Variants in CDNF observed in about 807,000 individuals in gnomAD.
The protein encoded by CDNF is ARMET-like protein 1.
Under a neutral mutation model 14.8 loss-of-function variants are expected in CDNF, and 9 were observed. The observed-to-expected ratio is 0.61, with a 90% CI of 0.37 to 1.06. CDNF has a LOEUF of 1.06. Ranked by LOEUF, CDNF falls within the 50% of genes least tolerant of loss-of-function variation. The pLI is 0.01. For synonymous variants in CDNF, 86 were observed against 87.2 expected (o/e 0.99, Z 0.07); for missense variants, 228 against 228.4 (o/e 1.00, Z 0.01).
rs1215206770 is a variant in CDNF, at chr10:14,820,117, T to C, written c.427A>G (p.Arg143Gly). The change falls in exon 4 of 4, where the codon AGA becomes GGA. Residue 143 changes from arginine (R) to glycine (G), a missense_variant. By Grantham distance (125) the Arg-to-Gly change is moderately radical. Transcript: ENST00000465530. ...DLASVDLRKM[R>G]VAELKQILHS... ...AGGATCTGCTTCAGCTCTGCCACTC[T>C]CATCTTCCGCAGGTCAACTGATGCC... 6 of 1,613,986 alleles carry C rather than the reference T, an allele frequency of 3.7e-6. No individual in the cohort carries two copies. The highest frequency in any genetic ancestry group is 1.6e-4 in the Middle Eastern group (1 of 6,084).
At chr10:14,830,332 T>C (rs1426042007) in intron 1 of CDNF, among the ~76,000 whole-genome samples, 3 of 152,228 alleles carry the variant, frequency 2.0e-5, no homozygotes, top group African/African-American at 4.8e-5. Flanking sequence ...TCTATGTTTC[T>C]TTAAACATAA....
rs947975417 is a variant in CDNF, at chr10:14,828,845, AAAAAAAAACAC to A, written c.116-584_116-574del. Among the ~76,000 whole-genome samples, 6 of 132,096 alleles carry A rather than the reference AAAAAAAAACAC, an allele frequency of 4.5e-5. No homozygotes were observed. In the East Asian group the frequency reaches 1.3e-3, roughly 29 times the overall value. The allele number at this position is 132,096 out of a possible 152,430, so 86.7% of individuals were successfully genotyped here. On this transcript the variant is annotated intron_variant, in intron 1 of 3. Coordinates refer to ENST00000465530, the MANE Select transcript of CDNF (RefSeq NM_001029954.3). Reference sequence around the variant, plus strand: ...ACATAGTGAGACCTTGTCTCTACTAAAAAAAAAACACAAAAAAACAAAAACAAAAAAACACC... The same window carrying A: ...ACATAGTGAGACCTTGTCTCTACTAAAAAAAAACAAAAACAAAAAAACACC...
Position 14,837,879 on chromosome 10 carries a change from A to G in CDNF, c.68T>C (p.Leu23Pro), listed in dbSNP as rs1196745208. 1 of 1,606,620 alleles carries G rather than the reference A, an allele frequency of 6.2e-7. No individual in the cohort carries two copies. Among genetic ancestry groups the G allele is most frequent in the Non-Finnish European group, 8.5e-7 (1 of 1,178,334 alleles). Residue 23 changes from leucine (L) to proline (P), a missense_variant, in exon 1 of 4, where the codon CTG becomes CCG. By Grantham distance (98) the Leu-to-Pro change is moderately conservative. Transcript: ENST00000465530. Reference sequence around the variant, plus strand: ...CCCCCCGGCCTCCTGGCCCTGCGTCAGCACCGGGTGAGAGACCAAAAGCCC... The same window carrying G: ...CCCCCCGGCCTCCTGGCCCTGCGTCGGCACCGGGTGAGAGACCAAAAGCCC... The part of the protein sequence containing the change: ...CAGLLVSHPV[L>P]TQGQEAGGRP...
intron 3 of CDNF, among the ~76,000 whole-genome samples, chr10:14,821,215 C>A (rs1833735556): frequency 6.6e-6 from 1 of 152,066 alleles, no homozygotes; most frequent in Non-Finnish European, 1.5e-5. Context: ...ACCACCATCT[C>A]CCTGGTTCAA....
intron 1 of CDNF, among the ~76,000 whole-genome samples, chr10:14,833,541 T>C (rs1412818559): frequency 1.3e-5 from 2 of 152,210 alleles, no homozygotes; most frequent in Non-Finnish European, 1.5e-5. Flanking sequence ...TATATAGATA[T>C]AGATTATATG....
At chr10:14,831,748 G>A (rs1365612539) in intron 1 of CDNF, among the ~76,000 whole-genome samples, 1 of 151,900 alleles carries the variant, frequency 6.6e-6, no homozygotes, top group Admixed American at 6.6e-5. Context: ...CTAAGTTTTT[G>A]TATTTTTAGT....
chr10:14,831,462 C>CAT (rs66493377), intron 1 of CDNF, among the ~76,000 whole-genome samples: 17,004 of 145,052 alleles, frequency 0.12, 1,113 homozygotes, highest in Non-Finnish European at 0.16. Flanking sequence ...AGCTTAAAGT[C>CAT]ATATATATAT....
chr10:14,831,103 T>C (rs1239579439), intron 1 of CDNF, among the ~76,000 whole-genome samples: 2 of 152,174 alleles, frequency 1.3e-5, no homozygotes, highest in African/African-American at 4.8e-5. Flanking sequence ...AAGATGGAAA[T>C]AGGTTGTAGT....
intron 2 of CDNF, among the ~76,000 whole-genome samples, chr10:14,826,382 AAGAAGAAGC>A (rs1439415662): frequency 1.5e-4 from 23 of 151,842 alleles, no homozygotes; most frequent in Non-Finnish European, 2.9e-4. Context: ...GCAGCAGCAG[AAGAAGAAGC>A]AGAAGAAGCA....
chr10:14,831,783 C>T (rs1833846042), intron 1 of CDNF, among the ~76,000 whole-genome samples: 1 of 152,086 alleles, frequency 6.6e-6, no homozygotes, highest in Non-Finnish European at 1.5e-5. Context: ...ACCATGTTGG[C>T]CAGGACGGTC....
intron 2 of CDNF, among the ~76,000 whole-genome samples, chr10:14,827,647 C>T (rs532875898): frequency 1.3e-5 from 2 of 152,236 alleles, no homozygotes; most frequent in Admixed American, 6.5e-5. Context: ...AATCCCAGCA[C>T]TTTGGGAGGC....
Position 14,826,250 on chromosome 10 carries a change from TAAGAAGCAGTAG to T in CDNF, c.244-642_244-631del, listed in dbSNP as rs921606231. Among the ~76,000 whole-genome samples the T allele has an allele frequency of 3.6e-4, 39 of 108,508 alleles. No individual in the cohort carries two copies. The South Asian group carries it at 8.1e-3, about 23-fold the overall frequency. 71.2% of individuals were successfully genotyped at this position (108,508 alleles called of 152,430 possible). A position where few individuals can be genotyped will look rare whatever the true frequency, so the allele number is the denominator to read the frequency against. On this transcript the variant is annotated intron_variant, in intron 2 of 3. Transcript: ENST00000465530. ...AGCAGAAGCAGCAGCAGAAGAAGCA[TAAGAAGCAGTAG>T]AAGAAGCAGCAGAAGAAGCAGTAGA...
intron 3 of CDNF, among the ~76,000 whole-genome samples, chr10:14,821,559 G>A (rs143396794): frequency 2.4e-3 from 363 of 152,316 alleles, no homozygotes; most frequent in African/African-American, 7.5e-3. Flanking sequence ...AAACACTTAA[G>A]CATCAGGATT....
In CDNF at chr10:14,832,249, C is replaced by G. The variant is rs1025343918; in HGVS notation, c.116-3977G>C. 3.9e-5 allele frequency among the ~76,000 whole-genome samples: 6 copies of G among 152,208 alleles called. No individual in the cohort carries two copies. The East Asian group carries it at 9.6e-4, about 24-fold the overall frequency. Reference sequence around the variant, plus strand: ...GGAAGAACTCCGCAGGCAGAAGGAACAGCAAGTACCAAGGCTCAAATGCAG... The same window carrying G: ...GGAAGAACTCCGCAGGCAGAAGGAAGAGCAAGTACCAAGGCTCAAATGCAG... On this transcript the variant is annotated intron_variant, in intron 1 of 3. Coordinates refer to ENST00000465530, the MANE Select transcript of CDNF (RefSeq NM_001029954.3).
At chr10:14,826,038 A>AAGAAGAAGAAGG (rs1833780237) in intron 2 of CDNF, among the ~76,000 whole-genome samples, 1 of 79,168 alleles carries the variant, frequency 1.3e-5, no homozygotes, top group Non-Finnish European at 2.7e-5. Flanking sequence ...GGAGAAGAAG[A>AAGAAGAAGAAGG]AGAAGAAGAA....
chr10:14,821,273 C>T (rs1833735868), intron 3 of CDNF, among the ~76,000 whole-genome samples: 1 of 152,096 alleles, frequency 6.6e-6, no homozygotes, highest in Non-Finnish European at 1.5e-5. Flanking sequence ...TACAGGCACC[C>T]ACCATCATGC....
At chr10:14,833,483 A>G (rs1212960916) in intron 1 of CDNF, among the ~76,000 whole-genome samples, 1 of 152,234 alleles carries the variant, frequency 6.6e-6, no homozygotes, top group Non-Finnish European at 1.5e-5. Context: ...CCAATTCCTT[A>G]TAATAAATCT....
intron 3 of CDNF, among the ~76,000 whole-genome samples, chr10:14,820,400 A>G (rs914055287): frequency 1.3e-5 from 2 of 152,112 alleles, no homozygotes; most frequent in Non-Finnish European, 2.9e-5. Flanking sequence ...AAAATATTCT[A>G]AACAAATTAA....
chr10:14,832,109 TG>T (rs1385145276), intron 1 of CDNF, among the ~76,000 whole-genome samples: 3 of 151,988 alleles, frequency 2.0e-5, no homozygotes, highest in African/African-American at 7.3e-5. Context: ...GGATGGAGGG[TG>T]ACAAGGTAAT....
Sources: allele counts gnomAD v4.1 joint callset (sites outside exome capture counted in the v4.1 genomes callset), GRCh38; gene constraint gnomAD v4.1.1; transcripts MANE v1.5; gene names NCBI Gene and HGNC (gene_info 2026-07-23, HGNC 2026-07-21).